ZNF18: variants seen among roughly 807,000 people sequenced by gnomAD.
The protein encoded by ZNF18 is heart development-specific gene 1 protein.
In ZNF18, 42 loss-of-function variants were observed where a neutral mutation model predicts 58.1. That is an observed-to-expected ratio of 0.72 (90% CI 0.56 to 0.93). ZNF18 has a LOEUF of 0.93. Among genes scored for constraint, ZNF18 ranks in the 40% least tolerant of loss-of-function variants. The pLI is 0.00. For missense variants in ZNF18, 540 were observed against 644.2 expected (o/e 0.84, Z 1.75); for synonymous variants, 231 against 239.8 (o/e 0.96, Z 0.34).
chr17:12,006,630 G>A, the ZNF18 span, among the ~76,000 whole-genome samples: 2 of 152,080 alleles, frequency 1.3e-5, no homozygotes, highest in African/African-American at 4.8e-5. Context: ...GCACACCTGT[G>A]GACCCTGCTA....
the ZNF18 span, among the ~76,000 whole-genome samples, chr17:12,008,425 CTT>C: frequency 1.3e-5 from 2 of 152,146 alleles, no homozygotes; most frequent in Non-Finnish European, 2.9e-5. Flanking sequence ...GGCTTGAATT[CTT>C]GGGCTCAAGG....
At chr17:12,014,032 A>G in the ZNF18 span, among the ~76,000 whole-genome samples, 4 of 152,262 alleles carry the variant, frequency 2.6e-5, no homozygotes, top group Admixed American at 2.6e-4. Context: ...TTAGTTTATA[A>G]GAAATATAAT....
the ZNF18 span, among the ~76,000 whole-genome samples, chr17:12,005,749 C>A: frequency 2.0e-5 from 3 of 152,074 alleles, no homozygotes; most frequent in East Asian, 5.8e-4. Flanking sequence ...AAATAAGATA[C>A]ATATTTTAAA....
chr17:12,016,375 G>T, the ZNF18 span, among the ~76,000 whole-genome samples: 1 of 151,764 alleles, frequency 6.6e-6, no homozygotes, highest in African/African-American at 2.4e-5. Flanking sequence ...TGTCTCCCAG[G>T]CTGGAGAGCA....
At chr17:12,017,393 T>C in the ZNF18 span, among the ~76,000 whole-genome samples, 3 of 152,174 alleles carry the variant, frequency 2.0e-5, no homozygotes, top group African/African-American at 7.2e-5. Context: ...GGCCTGGTCC[T>C]GAGCCCTTGG....
upstream of ZNF18, chr17:11,997,535 CG>C (rs926138897): frequency 3.9e-5 from 6 of 152,204 alleles, no homozygotes; most frequent in Non-Finnish European, 8.8e-5. Context: ...AGCTAGGGGG[CG>C]GGGGCGGAGC....
chr17:11,995,263 AC>A (rs1245377317), intron 1 of ZNF18, among the ~76,000 whole-genome samples: 3 of 38,898 alleles, frequency 7.7e-5, no homozygotes, highest in African/African-American at 1.0e-4. Context: ...ACAAAAATTA[AC>A]CGGGCGTGGT....
At chr17:12,018,467 T>C in the ZNF18 span, among the ~76,000 whole-genome samples, 1 of 152,190 alleles carries the variant, frequency 6.6e-6, no homozygotes, top group Non-Finnish European at 1.5e-5. Flanking sequence ...TGCATCCTAA[T>C]CTCTTTATAA....
chr17:11,980,232 G>T (rs1967250429), intron 6 of ZNF18, among the ~76,000 whole-genome samples: 1 of 152,120 alleles, frequency 6.6e-6, no homozygotes, highest in African/African-American at 2.4e-5. Flanking sequence ...TTAGATGGAT[G>T]AAAAGTGGTT....
intron 1 of ZNF18, chr17:11,996,982 C>G (rs1444992954): frequency 6.6e-6 from 1 of 152,272 alleles, no homozygotes; most frequent in Non-Finnish European, 1.5e-5. Flanking sequence ...GAGGCCAGGG[C>G]AGCGCTGCTC....
chr17:12,020,423 G>T, the ZNF18 span, among the ~76,000 whole-genome samples: 1 of 152,136 alleles, frequency 6.6e-6, no homozygotes, highest in Non-Finnish European at 1.5e-5. Flanking sequence ...ATAGCTCTAG[G>T]TAACTCCCTT....
At chr17:11,982,538 T>C (rs1017517314) in intron 6 of ZNF18, among the ~76,000 whole-genome samples, 1 of 152,212 alleles carries the variant, frequency 6.6e-6, no homozygotes, top group Non-Finnish European at 1.5e-5. Flanking sequence ...CTCTGTGGTA[T>C]ATTAGCAAAA....
the ZNF18 span, among the ~76,000 whole-genome samples, chr17:12,009,865 T>C: frequency 6.6e-6 from 1 of 152,190 alleles, no homozygotes; most frequent in African/African-American, 2.4e-5. Context: ...CACCAAATGA[T>C]CTATTAACAT....
intron 1 of ZNF18, chr17:11,995,499 G>A (rs12944824): frequency 0.87 from 131,899 of 151,996 alleles, 60,102 homozygotes; most frequent in Non-Finnish European, 1. Context: ...CCTGGCCAAC[G>A]CAGTAAAACC....
At chr17:11,996,200 A>T (rs894158483) in intron 1 of ZNF18, among the ~76,000 whole-genome samples, 18 of 152,334 alleles carry the variant, frequency 1.2e-4, no homozygotes, top group African/African-American at 4.3e-4. Context: ...ACCACCTGAA[A>T]AGCAGCTTTA....
the ZNF18 span, among the ~76,000 whole-genome samples, chr17:12,012,085 G>C: frequency 6.6e-6 from 1 of 152,166 alleles, no homozygotes; most frequent in Non-Finnish European, 1.5e-5. Flanking sequence ...ATAATGTAAA[G>C]TGTCCCTCTC....
intron 2 of ZNF18, among the ~76,000 whole-genome samples, chr17:11,991,653 T>C (rs904264001): frequency 6.6e-6 from 1 of 152,150 alleles, no homozygotes; most frequent in South Asian, 2.1e-4. Flanking sequence ...GGTAATTTCT[T>C]GAGGGACAGG....
the ZNF18 span, among the ~76,000 whole-genome samples, chr17:12,003,380 C>T: frequency 6.7e-6 from 1 of 149,394 alleles, no homozygotes; most frequent in Admixed American, 6.8e-5. Context: ...GCAGAGGTTG[C>T]AGTGAGCCGA....
chr17:12,019,246 G>A, the ZNF18 span, among the ~76,000 whole-genome samples: 3 of 151,966 alleles, frequency 2.0e-5, no homozygotes, highest in South Asian at 6.2e-4. Context: ...TTACAGGTGT[G>A]AGCCAACATC....
Sources: gnomAD v4.1 joint callset for allele counts (sites outside exome capture counted in the v4.1 genomes callset) on GRCh38, gnomAD v4.1.1 for gene constraint, MANE v1.5 for transcripts, NCBI Gene and HGNC (gene_info 2026-07-23, HGNC 2026-07-21) for gene names.